PKHD1: variants seen among roughly 807,000 people sequenced by gnomAD.
PKHD1 encodes PKHD1 ciliary IPT domain containing fibrocystin/polyductin, also known as fibrocystin.
PKHD1 carries 291 observed loss-of-function variants against 412.0 expected under a neutral mutation model. The observed-to-expected ratio is 0.71, with a 90% confidence interval of 0.64 to 0.78. The LOEUF (loss-of-function observed/expected upper bound fraction) is 0.78, where lower values mean the gene tolerates loss of function less well. PKHD1 is among the 30% of genes least tolerant of loss of function. The probability of loss-of-function intolerance (pLI) is 0.00; values close to 1 mark genes in which losing one functional copy is unlikely to be tolerated. For missense variants in PKHD1, 4,825 were observed against 4,950.7 expected (o/e 0.97, Z 0.76); for synonymous variants, 1,777 against 1,821.5 (o/e 0.98, Z 0.62).
intron 37 of PKHD1, among the ~76,000 whole-genome samples, chr6:51,917,539 G>A (rs779664942): frequency 6.6e-6 from 1 of 152,142 alleles, no homozygotes; most frequent in African/African-American, 2.4e-5. Flanking sequence ...ATGGAGCACT[G>A]CAATCACACC....
chr6:51,664,686 T>G (rs538179694), intron 60 of PKHD1, among the ~76,000 whole-genome samples: 1 of 152,312 alleles, frequency 6.6e-6, no homozygotes, highest in African/African-American at 2.4e-5. Flanking sequence ...ATGCCAGGCT[T>G]CTCAACTATG....
At chr6:51,684,372 ACT>A (rs1777140597) in intron 60 of PKHD1, among the ~76,000 whole-genome samples, 1 of 152,074 alleles carries the variant, frequency 6.6e-6, no homozygotes, top group South Asian at 2.1e-4. Flanking sequence ...AATTGGAGTA[ACT>A]CTGTCTCATA....
intron 39 of PKHD1, among the ~76,000 whole-genome samples, chr6:51,911,164 C>G (rs1782884270): frequency 6.6e-6 from 1 of 152,138 alleles, no homozygotes; most frequent in Non-Finnish European, 1.5e-5. Flanking sequence ...CATCCTGGAC[C>G]AAAGTTGACA....
intron 60 of PKHD1, among the ~76,000 whole-genome samples, chr6:51,722,519 T>C (rs536443791): frequency 6.6e-6 from 1 of 152,322 alleles, no homozygotes; most frequent in South Asian, 2.1e-4. Context: ...TTAGAATTGA[T>C]TAACCAGAGG....
At chr6:51,769,923 CTTT>C (rs1304161630) in intron 55 of PKHD1, among the ~76,000 whole-genome samples, 3 of 150,922 alleles carry the variant, frequency 2.0e-5, no homozygotes, top group Non-Finnish European at 4.4e-5. Flanking sequence ...TTTATTATAC[CTTT>C]TTTCTTGTAA....
chr6:51,823,937 T>C (rs1383148077), intron 52 of PKHD1, among the ~76,000 whole-genome samples: 2 of 152,118 alleles, frequency 1.3e-5, no homozygotes, highest in African/African-American at 2.4e-5. Context: ...AATCCTATTT[T>C]AGGAACAAAA....
At position 51,619,510 on chromosome 6, in the gene PKHD1, C is replaced by T. The variant is rs780431430; in HGVS notation, c.11796G>A (p.Met3932Ile). Residue 3932 changes from methionine to isoleucine, a missense_variant, in exon 67 of 67, where the codon ATG becomes ATA. Coordinates refer to ENST00000371117, the MANE Select transcript of PKHD1 (RefSeq NM_138694.4). ...EDTVVGEDMRMKVMLGKVNQC... is the reference protein window; with the variant it reads ...EDTVVGEDMRIKVMLGKVNQC... ...GGTTCACCTTGCCCAGCATGACCTT[C>T]ATTCTCATATCTGGGGGGAAAAGAA... 6.2e-7 allele frequency: 1 copy of T among 1,613,868 alleles called. No homozygotes were observed. The highest frequency in any genetic ancestry group is 2.2e-5 in the East Asian group (1 of 44,886).
chr6:51,835,045 C>T (rs1370910139), intron 51 of PKHD1, among the ~76,000 whole-genome samples: 4 of 152,184 alleles, frequency 2.6e-5, no homozygotes, highest in Non-Finnish European at 5.9e-5. Flanking sequence ...TTTGTTAAAA[C>T]CCACAACTCT....
chr6:51,933,676 A>T (rs1471011083), intron 37 of PKHD1, among the ~76,000 whole-genome samples: 1 of 152,210 alleles, frequency 6.6e-6, no homozygotes, highest in African/African-American at 2.4e-5. Flanking sequence ...TCTATCTGGG[A>T]CAGGCTATTC....
At chr6:51,885,319 A>G (rs571679706) in intron 45 of PKHD1, among the ~76,000 whole-genome samples, 146 of 152,260 alleles carry the variant, frequency 9.6e-4, no homozygotes, top group African/African-American at 3.4e-3. Flanking sequence ...AATTTAGCTT[A>G]TTTCTTCTAA....
chr6:51,990,918 T>C (rs1297124170), intron 35 of PKHD1, among the ~76,000 whole-genome samples: 1 of 152,220 alleles, frequency 6.6e-6, no homozygotes, highest in African/African-American at 2.4e-5. Flanking sequence ...TCCGTTTCCT[T>C]ATCTGCAAAA....
chr6:51,650,845 A>G (rs1372380585), intron 61 of PKHD1, among the ~76,000 whole-genome samples: 1 of 152,124 alleles, frequency 6.6e-6, no homozygotes, highest in Non-Finnish European at 1.5e-5. Flanking sequence ...GTTTAGCCTG[A>G]GTGGCTAGGG....
At chr6:51,843,271 G>C (rs1431756905) in intron 50 of PKHD1, among the ~76,000 whole-genome samples, 2 of 152,194 alleles carry the variant, frequency 1.3e-5, no homozygotes, top group Non-Finnish European at 2.9e-5. Flanking sequence ...AATAAATAGA[G>C]AGTGGGGTGT....
intron 1 of PKHD1, among the ~76,000 whole-genome samples, chr6:52,087,096 A>C (rs148610467): frequency 6.6e-6 from 1 of 152,338 alleles, no homozygotes; most frequent in African/African-American, 2.4e-5. Flanking sequence ...TGTCAATTAT[A>C]AATGTAATTT....
In PKHD1 at chr6:51,727,255, A is replaced by G. The variant is rs118123865; in HGVS notation, c.10156+17130T>C. The stretch of plus-strand genomic sequence containing the variant: ...GGGATAAAATTTTGAGACAAACTGC[A>G]TATGTTACTGATGGAAGGTATCCGA... On this transcript the variant is annotated intron_variant, in intron 60 of 66. Coordinates refer to ENST00000371117, the MANE Select transcript of PKHD1 (RefSeq NM_138694.4). 1.1e-4 allele frequency among the ~76,000 whole-genome samples: 16 copies of G among 152,220 alleles called. No individual in the cohort carries two copies. The East Asian group carries it at 2.5e-3, about 24-fold the overall frequency.
At chr6:51,838,200 G>A (rs1365224773) in intron 50 of PKHD1, among the ~76,000 whole-genome samples, 1 of 152,188 alleles carries the variant, frequency 6.6e-6, no homozygotes, top group Non-Finnish European at 1.5e-5. Context: ...AGCACCAACT[G>A]ATAATTTAAG....
At chr6:51,911,188 C>A (rs1782889621) in intron 39 of PKHD1, among the ~76,000 whole-genome samples, 1 of 152,150 alleles carries the variant, frequency 6.6e-6, no homozygotes, top group Admixed American at 6.6e-5. Flanking sequence ...GATGTCTTCA[C>A]AACATGTGAA....
At chr6:52,024,553 T>C (rs753094101) in intron 32 of PKHD1, 21 bp downstream of exon 32, 2 of 1,608,060 alleles carry the variant, frequency 1.2e-6, no homozygotes, top group South Asian at 1.1e-5. Flanking sequence ...GAAAGTGTGC[T>C]GTCTTATTTG....
At chr6:51,671,945 C>A (rs954650702) in intron 60 of PKHD1, among the ~76,000 whole-genome samples, 1 of 152,158 alleles carries the variant, frequency 6.6e-6, no homozygotes, top group Non-Finnish European at 1.5e-5. Context: ...CCACTGCTCT[C>A]TTCAAAGCTG....
Sources: gnomAD v4.1 joint callset for allele counts (sites outside exome capture counted in the v4.1 genomes callset) on GRCh38, gnomAD v4.1.1 for gene constraint, MANE v1.5 for transcripts, NCBI Gene and HGNC (gene_info 2026-07-23, HGNC 2026-07-21) for gene names.